The following PEBP4 variants were observed in gnomAD, a reference collection of about 807,000 sequenced individuals.
The protein encoded by PEBP4 is phosphatidylethanolamine binding protein 4.
In PEBP4, 22 loss-of-function variants were observed where a neutral mutation model predicts 23.9. The observed-to-expected ratio is 0.92, with a 90% CI of 0.66 to 1.31. The LOEUF (loss-of-function observed/expected upper bound fraction) is 1.31. Among genes scored for constraint, PEBP4 ranks in the 40% most tolerant of loss-of-function variants. The pLI is 0.00. For synonymous variants in PEBP4, 112 were observed against 99.3 expected (o/e 1.13, Z -0.76); for missense variants, 324 against 281.7 (o/e 1.15, Z -1.07).
At chr8:22,833,010 T>C (rs534597576) in intron 3 of PEBP4, among the ~76,000 whole-genome samples, 65 of 152,154 alleles carry the variant, frequency 4.3e-4, no homozygotes, top group Non-Finnish European at 8.8e-4. Flanking sequence ...GATCAGCCAA[T>C]CCTAAACCTG....
intron 3 of PEBP4, among the ~76,000 whole-genome samples, chr8:22,870,918 C>T (rs758788868): frequency 6.6e-6 from 1 of 152,150 alleles, no homozygotes; most frequent in Non-Finnish European, 1.5e-5. Context: ...CCTCAAGATT[C>T]TCAGGATCAA....
Position 22,898,577 on chromosome 8 carries a change from G to A in PEBP4, c.258+21607C>T, listed in dbSNP as rs551918895. 3.5e-4 allele frequency among the ~76,000 whole-genome samples: 54 copies of A among 152,230 alleles called. 1 individual carries two copies. In the South Asian group the frequency reaches 1.0e-2, roughly 28 times the overall value. On this transcript the variant is annotated intron_variant, in intron 3 of 6. Transcript: ENST00000256404. Reference sequence around the variant, plus strand: ...AAAGTGCTCCAAGCTCTGGTTTGCGGTAAGTTTAGAAAGATAACCATAGAC... The same window carrying A: ...AAAGTGCTCCAAGCTCTGGTTTGCGATAAGTTTAGAAAGATAACCATAGAC...
intron 4 of PEBP4, among the ~76,000 whole-genome samples, chr8:22,785,002 ACGGTTTG>A (rs1806000401): frequency 6.6e-6 from 1 of 152,140 alleles, no homozygotes; most frequent in African/African-American, 2.4e-5. Context: ...CCACGTGTGC[ACGGTTTG>A]CGCATGTGAG....
intron 4 of PEBP4, among the ~76,000 whole-genome samples, chr8:22,803,119 G>A (rs1806423566): frequency 6.6e-6 from 1 of 152,122 alleles, no homozygotes; most frequent in African/African-American, 2.4e-5. Flanking sequence ...TCCCAGGATG[G>A]TGCTCTGTTC....
At chr8:22,839,337 G>T (rs1360514682) in intron 3 of PEBP4, among the ~76,000 whole-genome samples, 1 of 152,144 alleles carries the variant, frequency 6.6e-6, no homozygotes, top group African/African-American at 2.4e-5. Context: ...AGGGGCTTTG[G>T]GGGTGGCATG....
chr8:22,778,534 C>T (rs548320433), intron 4 of PEBP4, among the ~76,000 whole-genome samples: 118 of 152,190 alleles, frequency 7.8e-4, no homozygotes, highest in African/African-American at 2.6e-3. Flanking sequence ...TCACCAAGTA[C>T]GCCCACTGAT....
At chr8:22,749,270 A>G (rs1437510731) in intron 4 of PEBP4, among the ~76,000 whole-genome samples, 1 of 152,166 alleles carries the variant, frequency 6.6e-6, no homozygotes, top group Non-Finnish European at 1.5e-5. Flanking sequence ...TAATACAATG[A>G]TTGGGAGGCT....
chr8:22,910,447 A>C (rs1403459260), intron 3 of PEBP4, among the ~76,000 whole-genome samples: 1 of 152,230 alleles, frequency 6.6e-6, no homozygotes, highest in African/African-American at 2.4e-5. Context: ...TTCTCATTGG[A>C]GAGACAAACA....
At chr8:22,827,554 C>T (rs979701312) in intron 3 of PEBP4, among the ~76,000 whole-genome samples, 1 of 152,144 alleles carries the variant, frequency 6.6e-6, no homozygotes, top group Non-Finnish European at 1.5e-5. Context: ...TTCATCCATG[C>T]TGTACATGTA....
chr8:22,836,558 T>G (rs1303388303), intron 3 of PEBP4, among the ~76,000 whole-genome samples: 2 of 152,234 alleles, frequency 1.3e-5, no homozygotes, highest in Non-Finnish European at 2.9e-5. Context: ...ACAGTCCCTC[T>G]AGAGCATCTG....
At chr8:22,890,363 A>G (rs1444052553) in intron 3 of PEBP4, among the ~76,000 whole-genome samples, 1 of 152,210 alleles carries the variant, frequency 6.6e-6, no homozygotes, top group Admixed American at 6.5e-5. Flanking sequence ...CACGGACCAC[A>G]CTTTGGGCAG....
At chr8:22,892,059 C>G (rs1437159898) in intron 3 of PEBP4, among the ~76,000 whole-genome samples, 2 of 148,538 alleles carry the variant, frequency 1.3e-5, no homozygotes, top group East Asian at 3.9e-4. Context: ...GGCGAAAGAG[C>G]AAGACTCCGT....
chr8:22,751,215 G>C (rs1046170649), intron 4 of PEBP4, among the ~76,000 whole-genome samples: 3 of 152,152 alleles, frequency 2.0e-5, no homozygotes, highest in Non-Finnish European at 2.9e-5. Flanking sequence ...GTGACCACTC[G>C]GAACTAAGAT....
chr8:22,823,200 T>C (rs1585292619), intron 3 of PEBP4, among the ~76,000 whole-genome samples: 1 of 152,118 alleles, frequency 6.6e-6, no homozygotes, highest in East Asian at 1.9e-4. Context: ...TTTAAAATGT[T>C]ATTTAATATA....
intron 4 of PEBP4, among the ~76,000 whole-genome samples, chr8:22,734,676 C>G (rs570601892): frequency 6.6e-6 from 1 of 152,272 alleles, no homozygotes; most frequent in South Asian, 2.1e-4. Context: ...GGATCTCCGG[C>G]TGCCAAAGTT....
At chr8:22,757,374 T>G (rs1805409294) in intron 4 of PEBP4, 1 of 152,248 alleles carries the variant, frequency 6.6e-6, no homozygotes, top group Admixed American at 6.5e-5. Context: ...CTTACACATT[T>G]CAGCAACTTC....
intron 3 of PEBP4, among the ~76,000 whole-genome samples, chr8:22,866,228 A>G (rs1224948246): frequency 6.6e-6 from 1 of 152,236 alleles, no homozygotes; most frequent in African/African-American, 2.4e-5. Flanking sequence ...GTTAGCTAAT[A>G]TATGTACGAC....
chr8:22,724,746 T>G, intron 6 of PEBP4, 97 bp downstream of exon 6: 1 of 878,376 alleles, frequency 1.1e-6, no homozygotes, highest in Admixed American at 2.1e-5. Flanking sequence ...GGCTCATGAG[T>G]GGGGGTCAAG....
At chr8:22,759,158 C>T (rs1044423094) in intron 4 of PEBP4, among the ~76,000 whole-genome samples, 9 of 152,140 alleles carry the variant, frequency 5.9e-5, no homozygotes, top group South Asian at 4.1e-4. Flanking sequence ...AGACGTGAGG[C>T]GCTGCAGACC....
Sources: gnomAD v4.1 joint callset for allele counts (sites outside exome capture counted in the v4.1 genomes callset) on GRCh38, gnomAD v4.1.1 for gene constraint, MANE v1.5 for transcripts, NCBI Gene and HGNC (gene_info 2026-07-23, HGNC 2026-07-21) for gene names.